Variants in WWOX observed in about 807,000 individuals in gnomAD.
WWOX encodes WW domain containing oxidoreductase.
A neutral mutation model predicts 46.2 loss-of-function variants in WWOX; 69 were observed. The observed-to-expected ratio is 1.49, with a 90% CI of 1.23 to 1.82. The LOEUF is 1.82. Among genes scored for constraint, WWOX ranks in the 40% most tolerant of loss-of-function variants. WWOX has a pLI of 0.00. For synonymous variants in WWOX, 359 were observed against 202.6 expected, an observed-to-expected ratio of 1.77 and a Z score of -6.56; for missense variants, 919 against 542.6, an observed-to-expected ratio of 1.69 and a Z score of -6.89.
chr16:79,113,058 A>C (rs2049447680), intron 8 of WWOX, among the ~76,000 whole-genome samples: 1 of 152,256 alleles, frequency 6.6e-6, no homozygotes, highest in Non-Finnish European at 1.5e-5. Flanking sequence ...TGAACGGCAC[A>C]GTCATGGTAC....
intron 8 of WWOX, among the ~76,000 whole-genome samples, chr16:78,529,647 T>C (rs2043571068): frequency 6.6e-6 from 1 of 151,950 alleles, no homozygotes. Flanking sequence ...TTTTTTATTT[T>C]TAGTAGAGAT....
chr16:78,174,923 G>C lies in WWOX; in HGVS notation c.516+10634G>C, dbSNP rs138182424. 6.2e-3 allele frequency among the ~76,000 whole-genome samples: 943 copies of C among 152,040 alleles called. 8 individuals are homozygous for C. The highest frequency in any genetic ancestry group is 0.022 in the African/African-American group (896 of 41,506). On this transcript the variant is annotated intron_variant, in intron 5 of 8. Transcript: ENST00000566780. The stretch of plus-strand genomic sequence containing the variant: ...GAATTGCTTTAACCTGGGAGGTGGA[G>C]GTTGCAGTGAGCCGAGATCAGGCCA...
chr16:78,198,508 C>T (rs1376226426), intron 5 of WWOX, among the ~76,000 whole-genome samples: 1 of 152,116 alleles, frequency 6.6e-6, no homozygotes, highest in Non-Finnish European at 1.5e-5. Context: ...GGGCTCTATG[C>T]CAGTGTTTCT....
chr16:78,554,832 T>C (rs1285667191), intron 8 of WWOX, among the ~76,000 whole-genome samples: 1 of 152,182 alleles, frequency 6.6e-6, no homozygotes, highest in Non-Finnish European at 1.5e-5. Context: ...TGACTCTGAA[T>C]GGTGGCCCAG....
At chr16:78,898,868 T>C (rs1343890317) in intron 8 of WWOX, 1 of 152,174 alleles carries the variant, frequency 6.6e-6, no homozygotes, top group African/African-American at 2.4e-5. Flanking sequence ...TTGATTTTTT[T>C]ATGCTATTGT....
In WWOX at chr16:78,917,061, C is replaced by T. The variant is rs147252884; in HGVS notation, c.1057-294547C>T. 6.9e-3 allele frequency among the ~76,000 whole-genome samples: 1,049 copies of T among 152,324 alleles called. 9 individuals carry two copies. Among genetic ancestry groups the T allele is most frequent in the African/African-American group, 0.024 (1,007 of 41,572 alleles). On this transcript the variant is annotated intron_variant, in intron 8 of 8. Transcript: ENST00000566780. ...GACAAATGTTGACTCTTCTAAACCA[C>T]ATCTTTCCAGATTCAATATAGTAGG...
At chr16:78,772,201 A>G (rs1245289493) in intron 8 of WWOX, among the ~76,000 whole-genome samples, 1 of 151,912 alleles carries the variant, frequency 6.6e-6, no homozygotes, top group African/African-American at 2.4e-5. Flanking sequence ...CTCTCCCTCT[A>G]CCCTCAGGCA....
intron 8 of WWOX, among the ~76,000 whole-genome samples, chr16:78,625,875 T>C (rs2046300319): frequency 6.7e-6 from 1 of 150,208 alleles, no homozygotes; most frequent in African/African-American, 2.4e-5. Context: ...CTTAAAAGTT[T>C]TTAAGTAATG....
intron 8 of WWOX, among the ~76,000 whole-genome samples, chr16:79,074,371 C>G (rs972772137): frequency 2.1e-5 from 3 of 140,090 alleles, no homozygotes; most frequent in Non-Finnish European, 3.0e-5. Flanking sequence ...CGTTGTCACT[C>G]AAAGCCGAAT....
At chr16:78,382,165 G>A (rs181837218) in intron 5 of WWOX, among the ~76,000 whole-genome samples, 1 of 152,196 alleles carries the variant, frequency 6.6e-6, no homozygotes, top group Non-Finnish European at 1.5e-5. Flanking sequence ...GACTGAGTTA[G>A]TTGTTGTTGT....
At chr16:78,412,986 C>G (rs574734203) in intron 6 of WWOX, among the ~76,000 whole-genome samples, 1 of 151,948 alleles carries the variant, frequency 6.6e-6, no homozygotes, top group East Asian at 1.9e-4. Context: ...TTTTCCTTAC[C>G]TGATGGTCAG....
At chr16:78,459,759 C>G (rs752557488) in intron 8 of WWOX, among the ~76,000 whole-genome samples, 1 of 152,142 alleles carries the variant, frequency 6.6e-6, no homozygotes. Context: ...GCCTGAAGGC[C>G]TACTTGATGC....
chr16:79,033,936 G>T (rs1262391548), intron 8 of WWOX, among the ~76,000 whole-genome samples: 1 of 152,204 alleles, frequency 6.6e-6, no homozygotes, highest in East Asian at 1.9e-4. Flanking sequence ...ATGTCACAGG[G>T]ATGTTGGAAC....
At chr16:78,355,555 A>G (rs1597087599) in intron 5 of WWOX, 1 of 424,394 alleles carries the variant, frequency 2.4e-6, no homozygotes, top group East Asian at 5.6e-5. Context: ...ACCAGCAGCA[A>G]ACTACCAACA....
At position 78,566,788 on chromosome 16, in the gene WWOX, T is replaced by TA. The variant is rs534786928; in HGVS notation, c.1056+134037dup. ...AGATGTGCAATAAACTGAGCACCGA[T>TA]AGAGTACCAAGAACATGCTTTTTGC... On this transcript the variant is annotated intron_variant, in intron 8 of 8. Coordinates refer to ENST00000566780, the MANE Select transcript of WWOX (RefSeq NM_016373.4). Among the ~76,000 whole-genome samples the TA allele has an allele frequency of 3.3e-3, 505 of 152,320 alleles. 1 individual carries two copies. The highest frequency in any genetic ancestry group is 5.4e-3 in the Non-Finnish European group (370 of 68,028).
At chr16:78,203,886 CA>C (rs1312697740) in intron 5 of WWOX, among the ~76,000 whole-genome samples, 43 of 152,330 alleles carry the variant, frequency 2.8e-4, no homozygotes, top group African/African-American at 1.0e-3. Flanking sequence ...GAGCCCTGTG[CA>C]TGGCTTTTGA....
intron 8 of WWOX, among the ~76,000 whole-genome samples, chr16:78,625,231 G>A (rs937970463): frequency 3.3e-5 from 5 of 152,094 alleles, no homozygotes; most frequent in Admixed American, 6.5e-5. Flanking sequence ...TGGGGTCACC[G>A]GGGTCGCTGC....
chr16:78,885,691 G>T (rs2044440938), intron 8 of WWOX, among the ~76,000 whole-genome samples: 1 of 152,090 alleles, frequency 6.6e-6, no homozygotes, highest in Admixed American at 6.5e-5. Flanking sequence ...TTTCCATAGG[G>T]ATAACTCAAT....
intron 8 of WWOX, among the ~76,000 whole-genome samples, chr16:79,107,546 T>C (rs2049335161): frequency 6.6e-6 from 1 of 152,242 alleles, no homozygotes; most frequent in African/African-American, 2.4e-5. Flanking sequence ...TTTTTATCTT[T>C]TGGATAGCCC....
Sources: gnomAD v4.1 joint callset for allele counts (sites outside exome capture counted in the v4.1 genomes callset) on GRCh38, gnomAD v4.1.1 for gene constraint, MANE v1.5 for transcripts, NCBI Gene and HGNC (gene_info 2026-07-23, HGNC 2026-07-21) for gene names.